MSH4: variants seen among roughly 807,000 people sequenced by gnomAD.
MSH4 encodes mutS protein homolog 4.
A neutral mutation model predicts 113.7 loss-of-function variants in MSH4; 106 were observed. The ratio of observed to expected loss-of-function variants is 0.93; its 90% confidence interval spans 0.80 to 1.10. MSH4 has a LOEUF of 1.10. Ranked by LOEUF, MSH4 falls within the 50% of genes least tolerant of loss-of-function variation. MSH4 has a pLI of 0.00. For missense variants in MSH4, 1,061 were observed against 1,093.7 expected, an observed-to-expected ratio of 0.97 and a Z score of 0.42; for synonymous variants, 368 against 380.2, an observed-to-expected ratio of 0.97 and a Z score of 0.37.
intron 1 of MSH4, among the ~76,000 whole-genome samples, chr1:75,798,341 T>A (rs1463884642): frequency 6.6e-6 from 1 of 152,154 alleles, no homozygotes; most frequent in Non-Finnish European, 1.5e-5. Flanking sequence ...GTTTTTCTGC[T>A]ACCTCCCAGA....
chr1:75,913,207 T>A lies in MSH4; in HGVS notation c.*320T>A, dbSNP rs1398699080. On this transcript the variant is annotated 3_prime_UTR_variant, in exon 20 of 20. Transcript: ENST00000263187. Reference sequence around the variant, plus strand: ...GTTTAAAATATTATTGTAAATACCCTAGTTTAATAAACACCTTTCTTTTTA... The same window carrying A: ...GTTTAAAATATTATTGTAAATACCCAAGTTTAATAAACACCTTTCTTTTTA... 1 of 156,538 alleles carries A rather than the reference T, an allele frequency of 6.4e-6. No homozygotes were observed. The highest frequency in any genetic ancestry group is 1.4e-5 in the Non-Finnish European group (1 of 71,172). The allele number at this position is 156,538 out of a possible 1,614,324, so 9.7% of individuals were successfully genotyped here. A position where few individuals can be genotyped will look rare whatever the true frequency, so the allele number is the denominator to read the frequency against.
chr1:75,846,046 G>A (rs5745394), intron 7 of MSH4, among the ~76,000 whole-genome samples: 42,416 of 152,162 alleles, frequency 0.28, 6,205 homozygotes, highest in Middle Eastern at 0.37. Context: ...GGGCTCACCT[G>A]AGCTACAGTT....
chr1:75,912,867 C>A lies in MSH4; in HGVS notation c.2791C>A (p.Pro931Thr). The change falls in exon 20 of 20, where the codon CCA becomes ACA. Residue 931 changes from proline to threonine, a missense_variant. Pro to Thr is a conservative substitution (Grantham distance 38). Coordinates refer to ENST00000263187, the MANE Select transcript of MSH4 (RefSeq NM_002440.4). ...KEDFPRTEQV[P>T]EKTEE ...AGATTTTCCCAGGACTGAACAAGTT[C>A]CAGAAAAGACTGAAGAATAATCACA... is the stretch of plus-strand genomic sequence containing the variant. The A allele has an allele frequency of 6.6e-7, 1 of 1,524,608 alleles. No individual in the cohort carries two copies. Among genetic ancestry groups the A allele is most frequent in the Non-Finnish European group, 8.8e-7 (1 of 1,138,392 alleles). The allele number at this position is 1,524,608 out of a possible 1,614,324, so 94.4% of individuals were successfully genotyped here. A position where few individuals can be genotyped will look rare whatever the true frequency, so the allele number is the denominator to read the frequency against.
At chr1:75,908,304 C>T (rs1322043869) in intron 19 of MSH4, among the ~76,000 whole-genome samples, 1 of 151,696 alleles carries the variant, frequency 6.6e-6, no homozygotes, top group African/African-American at 2.4e-5. Context: ...CACCACCATG[C>T]CTGGCTAATT....
intron 8 of MSH4, among the ~76,000 whole-genome samples, chr1:75,862,368 A>G (rs905098323): frequency 1.3e-5 from 2 of 152,052 alleles, no homozygotes; most frequent in African/African-American, 2.4e-5. Flanking sequence ...TTCTGCGTCA[A>G]TCTCGCTGGA....
intron 3 of MSH4, among the ~76,000 whole-genome samples, chr1:75,807,753 T>C (rs1204893157): frequency 2.0e-5 from 3 of 151,290 alleles, no homozygotes; most frequent in African/African-American, 7.2e-5. Flanking sequence ...ATTAAAAAAA[T>C]ACCTAGTAAA....
rs555043504 is a variant in MSH4, at chr1:75,807,855, TTGG to T, written c.588+718_588+720del. On this transcript the variant is annotated intron_variant, in intron 3 of 19. Coordinates refer to ENST00000263187, the MANE Select transcript of MSH4 (RefSeq NM_002440.4). ...AGGCGGTGAAAATCTGCCCTTAGTG[TTGG>T]TGGGCACCTTGCAGTTGACCAGGGC... 1.4e-4 allele frequency among the ~76,000 whole-genome samples: 21 copies of T among 152,224 alleles called. 1 individual carries two copies. The South Asian group carries it at 3.9e-3, about 29-fold the overall frequency.
At chr1:75,842,720 G>A (rs1021150303) in intron 7 of MSH4, among the ~76,000 whole-genome samples, 17 of 152,136 alleles carry the variant, frequency 1.1e-4, no homozygotes, top group African/African-American at 3.6e-4. Flanking sequence ...TAATGCCAGC[G>A]TCTGGGAGGA....
At chr1:75,900,486 C>T (rs980592988) in intron 19 of MSH4, among the ~76,000 whole-genome samples, 2 of 151,380 alleles carry the variant, frequency 1.3e-5, no homozygotes, top group Non-Finnish European at 2.9e-5. Context: ...TTGTATTTTT[C>T]GTAGAGGTGG....
intron 7 of MSH4, among the ~76,000 whole-genome samples, chr1:75,835,888 G>A (rs1167930329): frequency 1.3e-5 from 2 of 152,174 alleles, no homozygotes; most frequent in Non-Finnish European, 2.9e-5. Flanking sequence ...GGTCACTGGA[G>A]CAGATCTTGT....
chr1:75,910,506 CAAGCATTCCACCCGCCTCTTCCTCCCA>C (rs1426923711), intron 19 of MSH4, among the ~76,000 whole-genome samples: 5 of 151,882 alleles, frequency 3.3e-5, no homozygotes, highest in Non-Finnish European at 1.5e-5. Context: ...TTCCTGGGCT[CAAGCATTCCACCCGCCTCTTCCTCCCA>C]AAGTGCTGGG....
chr1:75,913,163 T>A lies in MSH4; in HGVS notation c.*276T>A, dbSNP rs1053829559. 6 of 177,562 alleles carry A rather than the reference T, an allele frequency of 3.4e-5. No individual in the cohort carries two copies. Among genetic ancestry groups the A allele is most frequent in the Non-Finnish European group, 2.3e-5 (2 of 85,408 alleles). 11.0% of individuals were successfully genotyped at this position (177,562 alleles called of 1,614,324 possible). A position where few individuals can be genotyped will look rare whatever the true frequency, so the allele number is the denominator to read the frequency against. Reference sequence around the variant, plus strand: ...TTCACATTATTAAGACCTAAGTTCATTTATACTTACAAGTTATAGTTTAAA... The same window carrying A: ...TTCACATTATTAAGACCTAAGTTCAATTATACTTACAAGTTATAGTTTAAA... On this transcript the variant is annotated 3_prime_UTR_variant, in exon 20 of 20. Coordinates refer to ENST00000263187, the MANE Select transcript of MSH4 (RefSeq NM_002440.4).
At chr1:75,848,738 CA>C (rs754917168) in intron 8 of MSH4, among the ~76,000 whole-genome samples, 12 of 150,110 alleles carry the variant, frequency 8.0e-5, no homozygotes, top group Admixed American at 2.0e-4. Context: ...GGCCTTGTCA[CA>C]AAAAAAAATT....
At chr1:75,823,905 T>C (rs1281995185) in intron 7 of MSH4, among the ~76,000 whole-genome samples, 1 of 152,208 alleles carries the variant, frequency 6.6e-6, no homozygotes, top group Non-Finnish European at 1.5e-5. Flanking sequence ...GTTCCAAGCC[T>C]TTGCTATTGT....
chr1:75,891,059 T>G (rs1255622725), intron 17 of MSH4, among the ~76,000 whole-genome samples: 1 of 152,052 alleles, frequency 6.6e-6, no homozygotes, highest in Non-Finnish European at 1.5e-5. Context: ...AATGCAAAAT[T>G]AGTCAGTTGG....
intron 8 of MSH4, among the ~76,000 whole-genome samples, chr1:75,856,061 A>T (rs547297408): frequency 1.3e-5 from 2 of 152,274 alleles, no homozygotes; most frequent in East Asian, 3.9e-4. Flanking sequence ...ATTAGGAAAA[A>T]AATATCACTT....
At chr1:75,836,886 C>G (rs750755405) in intron 7 of MSH4, among the ~76,000 whole-genome samples, 2 of 152,156 alleles carry the variant, frequency 1.3e-5, no homozygotes, top group Admixed American at 6.6e-5. Context: ...ATGACTTACC[C>G]AGTTTCATGG....
chr1:75,810,903 A>G, intron 4 of MSH4, 96 bp downstream of exon 4: 1 of 568,280 alleles, frequency 1.8e-6, no homozygotes, highest in South Asian at 3.1e-5. Flanking sequence ...ACAGAGTTTC[A>G]CTCTGTCACC....
At chr1:75,825,220 T>C (rs944975567) in intron 7 of MSH4, among the ~76,000 whole-genome samples, 1 of 152,034 alleles carries the variant, frequency 6.6e-6, no homozygotes, top group East Asian at 1.9e-4. Context: ...ATTTTCTTCG[T>C]AGCGGTTGTG....
Sources: gnomAD v4.1 joint callset for allele counts (sites outside exome capture counted in the v4.1 genomes callset) on GRCh38, gnomAD v4.1.1 for gene constraint, MANE v1.5 for transcripts, NCBI Gene and HGNC (gene_info 2026-07-23, HGNC 2026-07-21) for gene names.